Variants in RAPGEF4 observed in about 807,000 individuals in gnomAD.
The protein encoded by RAPGEF4 is Rap guanine nucleotide exchange factor 4.
A neutral mutation model predicts 147.9 loss-of-function variants in RAPGEF4; 66 were observed. That is an observed-to-expected ratio of 0.45 (90% CI 0.37 to 0.55). The LOEUF is 0.55. RAPGEF4 is among the 20% of genes least tolerant of loss of function. The probability of loss-of-function intolerance (pLI) is 0.00; values close to 1 mark genes in which losing one functional copy is unlikely to be tolerated. For synonymous variants in RAPGEF4, 419 were observed against 442.7 expected (o/e 0.95, Z 0.67); for missense variants, 1,071 against 1,257.3 (o/e 0.85, Z 2.24).
At chr2:172,799,959 G>A (rs769109949) in intron 3 of RAPGEF4, among the ~76,000 whole-genome samples, 4 of 152,032 alleles carry the variant, frequency 2.6e-5, no homozygotes, top group Middle Eastern at 3.2e-3. Context: ...TCTCACCATG[G>A]CATCCTAGCC....
chr2:173,043,395 T>C (rs975572136), intron 29 of RAPGEF4, among the ~76,000 whole-genome samples: 2 of 152,154 alleles, frequency 1.3e-5, no homozygotes, highest in African/African-American at 4.8e-5. Flanking sequence ...AGCCGCTTCC[T>C]GAGGGATCTG....
intron 4 of RAPGEF4, among the ~76,000 whole-genome samples, chr2:172,831,116 G>A (rs1690259027): frequency 6.6e-6 from 1 of 151,938 alleles, no homozygotes. Context: ...CACACAAATT[G>A]ACTCTAACAT....
chr2:172,864,690 G>A (rs1694431456), intron 4 of RAPGEF4, among the ~76,000 whole-genome samples: 1 of 152,206 alleles, frequency 6.6e-6, no homozygotes, highest in African/African-American at 2.4e-5. Context: ...GATCACTTGA[G>A]GCTAGGAGTT....
At chr2:172,875,261 A>G (rs1229500953) in intron 4 of RAPGEF4, among the ~76,000 whole-genome samples, 1 of 151,976 alleles carries the variant, frequency 6.6e-6, no homozygotes, top group African/African-American at 2.4e-5. Flanking sequence ...ATTAGATCCC[A>G]TTTGTCAATT....
chr2:172,947,000 A>C (rs1687741482), intron 6 of RAPGEF4, among the ~76,000 whole-genome samples: 1 of 152,224 alleles, frequency 6.6e-6, no homozygotes, highest in South Asian at 2.1e-4. Flanking sequence ...TGCTTCACTT[A>C]TTCTGAATTT....
chr2:172,926,717 G>A (rs1391011300), intron 6 of RAPGEF4, among the ~76,000 whole-genome samples: 2 of 151,928 alleles, frequency 1.3e-5, no homozygotes, highest in Admixed American at 1.3e-4. Flanking sequence ...GACTACAGGC[G>A]CGTGCCACCA....
At chr2:172,919,522 T>C (rs1684483674) in intron 5 of RAPGEF4, among the ~76,000 whole-genome samples, 1 of 152,144 alleles carries the variant, frequency 6.6e-6, no homozygotes, top group Non-Finnish European at 1.5e-5. Context: ...GTCTCTTCCA[T>C]AGGTACTTCT....
chr2:172,775,680 A>G (rs560251555), intron 1 of RAPGEF4, among the ~76,000 whole-genome samples: 2 of 152,274 alleles, frequency 1.3e-5, no homozygotes, highest in East Asian at 3.9e-4. Flanking sequence ...AAAATGAGGT[A>G]TATTAGACTC....
intron 1 of RAPGEF4, among the ~76,000 whole-genome samples, chr2:172,761,488 C>A (rs1439721229): frequency 6.6e-6 from 1 of 152,050 alleles, no homozygotes; most frequent in Non-Finnish European, 1.5e-5. Flanking sequence ...AATTGTCAAC[C>A]CAGAATTCTA....
intron 10 of RAPGEF4, 40 bp from the exon 11 acceptor site, chr2:172,983,456 C>T: frequency 6.3e-7 from 1 of 1,578,620 alleles, no homozygotes; most frequent in Non-Finnish European, 8.5e-7. Flanking sequence ...CCTAGTGATG[C>T]CCTTTTTCCA....
At chr2:172,838,671 A>G (rs530885698) in intron 4 of RAPGEF4, among the ~76,000 whole-genome samples, 1 of 152,100 alleles carries the variant, frequency 6.6e-6, no homozygotes, top group Non-Finnish European at 1.5e-5. Flanking sequence ...ATTCCAGAAA[A>G]CTTTGTATAA....
intron 17 of RAPGEF4, among the ~76,000 whole-genome samples, chr2:173,012,612 A>G (rs1695131337): frequency 6.6e-6 from 1 of 152,248 alleles, no homozygotes; most frequent in Non-Finnish European, 1.5e-5. Flanking sequence ...CCTTAGCGTT[A>G]TTAAATGCGG....
chr2:172,735,877 T>A lies in RAPGEF4; in HGVS notation c.-107T>A. 1 of 999,902 alleles carries A rather than the reference T, an allele frequency of 1.0e-6. No individual in the cohort carries two copies. Among genetic ancestry groups the A allele is most frequent in the Non-Finnish European group, 1.3e-6 (1 of 776,872 alleles). The allele number at this position is 999,902 out of a possible 1,614,324, so 61.9% of individuals were successfully genotyped here. A position where few individuals can be genotyped will look rare whatever the true frequency, so the allele number is the denominator to read the frequency against. On this transcript the variant is annotated 5_prime_UTR_variant, in exon 1 of 31. Coordinates refer to ENST00000397081, the MANE Select transcript of RAPGEF4 (RefSeq NM_007023.4). ...TCGCAGCCGCGCTGGTCGCCAGGCG[T>A]CCGGGAGGAGCGGGGTCCGCGCGGC...
intron 21 of RAPGEF4, among the ~76,000 whole-genome samples, chr2:173,018,209 G>C (rs1001056326): frequency 2.0e-5 from 3 of 152,180 alleles, no homozygotes; most frequent in Non-Finnish European, 4.4e-5. Flanking sequence ...AAGCACACAA[G>C]CCACTGAAGC....
intron 8 of RAPGEF4, 92 bp downstream of exon 8, chr2:172,961,320 CGCA>C: frequency 9.6e-7 from 1 of 1,039,090 alleles, no homozygotes; most frequent in Non-Finnish European, 1.5e-6. Context: ...TCCATGTGGG[CGCA>C]GCCCATTTTG....
chr2:172,827,410 G>A (rs528145993), intron 4 of RAPGEF4, among the ~76,000 whole-genome samples: 1 of 152,022 alleles, frequency 6.6e-6, no homozygotes, highest in Non-Finnish European at 1.5e-5. Flanking sequence ...CAGTATTTCA[G>A]GTTCGCTTTC....
chr2:172,967,291 A>G lies in RAPGEF4; in HGVS notation c.851A>G (p.Tyr284Cys), dbSNP rs202063054. The G allele has an allele frequency of 7.6e-4, 1,222 of 1,612,324 alleles. 3 individuals are homozygous for G. The highest frequency in any genetic ancestry group is 8.8e-4 in the Non-Finnish European group (1,043 of 1,179,652). Residue 284 changes from tyrosine (Y) to cysteine (C), a missense_variant, in exon 10 of 31, where the codon TAT (tyrosine) becomes TGT (cysteine). Tyr to Cys is a radical substitution (Grantham distance 194, BLOSUM62 -2). Coordinates refer to ENST00000397081, the MANE Select transcript of RAPGEF4 (RefSeq NM_007023.4). ...CAGGAGCACCATTTCCAAGACAAATATTTATTCTATCGATTTCTGGATGAT... is the reference window on the plus strand; with the variant it reads ...CAGGAGCACCATTTCCAAGACAAATGTTTATTCTATCGATTTCTGGATGAT... ...VDQEHHFQDK[Y>C]LFYRFLDDEH... is the part of the protein sequence containing the mutation.
At chr2:172,834,342 G>C (rs1037862241) in intron 4 of RAPGEF4, among the ~76,000 whole-genome samples, 2 of 152,188 alleles carry the variant, frequency 1.3e-5, no homozygotes, top group African/African-American at 2.4e-5. Context: ...ATCATGTGTG[G>C]AAAATAGCAG....
chr2:172,935,372 T>G (rs1481932522), intron 6 of RAPGEF4, among the ~76,000 whole-genome samples: 1 of 152,106 alleles, frequency 6.6e-6, no homozygotes, highest in Non-Finnish European at 1.5e-5. Flanking sequence ...GTGGGTCACA[T>G]GGCTCCCCTA....
Sources: allele counts gnomAD v4.1 joint callset (sites outside exome capture counted in the v4.1 genomes callset), GRCh38; gene constraint gnomAD v4.1.1; transcripts MANE v1.5; gene names NCBI Gene and HGNC (gene_info 2026-07-23, HGNC 2026-07-21).